Variants in ADGRB1 observed in about 807,000 individuals in gnomAD.
The protein encoded by ADGRB1 is brain-specific angiogenesis inhibitor 1.
In ADGRB1, 36 loss-of-function variants were observed where a neutral mutation model predicts 175.7. That is an observed-to-expected ratio of 0.20 (90% CI 0.16 to 0.27). ADGRB1 has a LOEUF of 0.27. ADGRB1 is among the 10% of genes least tolerant of loss of function. ADGRB1 has a pLI of 1.00. For missense variants in ADGRB1, 1,731 were observed against 2,255.3 expected, an observed-to-expected ratio of 0.77 and a Z score of 4.71; for synonymous variants, 1,054 against 979.4, an observed-to-expected ratio of 1.08 and a Z score of -1.42.
intron 11 of ADGRB1, 137 bp from the exon 12 acceptor site, chr8:142,483,840 G>A: frequency 1.1e-6 from 1 of 892,894 alleles, no homozygotes; most frequent in Non-Finnish European, 1.8e-6. Flanking sequence ...TCTGACCCTG[G>A]TCACACACTG....
At chr8:142,518,901 A>G (rs1176878829) in intron 19 of ADGRB1, among the ~76,000 whole-genome samples, 1 of 152,214 alleles carries the variant, frequency 6.6e-6, no homozygotes, top group Non-Finnish European at 1.5e-5. Context: ...TCCAGAGGAC[A>G]CGTGGCTCCG....
Position 142,477,199 on chromosome 8 carries a change from C to T in ADGRB1, c.1143C>T (p.Cys381=), listed in dbSNP as rs772753018. The change falls in exon 5 of 31, where the codon TGC becomes TGT. Residue 381 remains cysteine, a synonymous_variant. Coordinates refer to ENST00000517894, the MANE Select transcript of ADGRB1 (RefSeq NM_001702.3). Reference sequence around the variant, plus strand: ...GCTGGCAGACCCGCACGCGCTTCTGCGTGTCCTCCTCCTACAGCACGCAGT... The same window carrying T: ...GCTGGCAGACCCGCACGCGCTTCTGTGTGTCCTCCTCCTACAGCACGCAGT... The part of the protein sequence containing the change: ...GEGWQTRTRF[C]VSSSYSTQCS... The T allele has an allele frequency of 6.3e-7, 1 of 1,597,528 alleles. No homozygotes were observed. The highest frequency in any genetic ancestry group is 8.5e-7 in the Non-Finnish European group (1 of 1,177,762).
At chr8:142,496,090 G>T (rs531687690) in intron 17 of ADGRB1, among the ~76,000 whole-genome samples, 5 of 151,398 alleles carry the variant, frequency 3.3e-5, no homozygotes, top group Non-Finnish European at 7.4e-5. Context: ...GGATGGATGG[G>T]TGGGTGGCTG....
intron 2 of ADGRB1, among the ~76,000 whole-genome samples, chr8:142,473,339 CG>C (rs1185253956): frequency 6.6e-6 from 1 of 152,196 alleles, no homozygotes; most frequent in Non-Finnish European, 1.5e-5. Context: ...GCCTCAGAAT[CG>C]GGGTGGTGGG....
chr8:142,477,028 G>T, intron 4 of ADGRB1, 86 bp from the exon 5 acceptor site: 1 of 1,421,114 alleles, frequency 7.0e-7, no homozygotes, highest in Non-Finnish European at 9.2e-7. Context: ...TCCCCAGCAG[G>T]GCAGCCCTCC....
intron 12 of ADGRB1, 29 bp from the exon 13 acceptor site, chr8:142,484,627 C>T: frequency 6.3e-7 from 1 of 1,587,962 alleles, no homozygotes; most frequent in Non-Finnish European, 8.6e-7. Context: ...GGGCCTCCTC[C>T]CTCGGCTGCT....
At chr8:142,528,695 G>A (rs758023470) in intron 24 of ADGRB1, among the ~76,000 whole-genome samples, 2 of 152,026 alleles carry the variant, frequency 1.3e-5, no homozygotes, top group Non-Finnish European at 2.9e-5. Flanking sequence ...GGGGCTCCGC[G>A]CTCTGAGTCA....
At chr8:142,495,020 A>G (rs1842148109) in intron 17 of ADGRB1, among the ~76,000 whole-genome samples, 1 of 152,154 alleles carries the variant, frequency 6.6e-6, no homozygotes, top group African/African-American at 2.4e-5. Flanking sequence ...CAGTTATGTC[A>G]AAGTCATGTC....
At chr8:142,530,846 C>A (rs1203080566) in intron 24 of ADGRB1, among the ~76,000 whole-genome samples, 1 of 152,204 alleles carries the variant, frequency 6.6e-6, no homozygotes, top group African/African-American at 2.4e-5. Flanking sequence ...CAGGAGCAGG[C>A]GCGGTGCAGC....
chr8:142,486,496 G>A lies in ADGRB1; in HGVS notation c.2308+1732G>A, dbSNP rs1841678304. ...GGCACAAGGTGCTTGGCACTCCCGA[G>A]GTGTCCCATCCCCAGGCCTAAAACA... On this transcript the variant is annotated intron_variant, in intron 13 of 30. Transcript: ENST00000517894. Among the ~76,000 whole-genome samples, 8 of 152,250 alleles carry A rather than the reference G, an allele frequency of 5.3e-5. No homozygotes were observed. The South Asian group carries it at 1.7e-3, about 32-fold the overall frequency.
chr8:142,499,597 G>GTGGGAGC (rs1013897677), intron 17 of ADGRB1, among the ~76,000 whole-genome samples: 1 of 150,668 alleles, frequency 6.6e-6, no homozygotes, highest in Non-Finnish European at 1.5e-5. Context: ...GAGTGCCGCG[G>GTGGGAGC]TGGGAGCGCT....
intron 17 of ADGRB1, among the ~76,000 whole-genome samples, chr8:142,509,964 G>A (rs1299826495): frequency 6.6e-6 from 1 of 152,200 alleles, no homozygotes. Flanking sequence ...AGGAAGGCAG[G>A]CCCGGCTCCA....
intron 18 of ADGRB1, among the ~76,000 whole-genome samples, chr8:142,516,970 G>C (rs1007855855): frequency 6.6e-6 from 1 of 152,230 alleles, no homozygotes; most frequent in African/African-American, 2.4e-5. Flanking sequence ...TGCTGGGGCT[G>C]TGCAGGGCCA....
rs1382344769 is a variant in ADGRB1, at chr8:142,450,122, G to T, written c.-220+18G>T. ...TGGGGAAGGTAAGGAAGGCTCCGGC[G>T]GGGGGCTGGGGGCGCGGCGGGTGGG... is the stretch of plus-strand genomic sequence containing the variant. On this transcript the variant is annotated intron_variant, in intron 1 of 30. Transcript: ENST00000517894. 5 of 149,398 alleles carry T rather than the reference G, an allele frequency of 3.3e-5. No individual in the cohort carries two copies. The East Asian group carries it at 1.0e-3, about 30-fold the overall frequency. 9.3% of individuals were successfully genotyped at this position (149,398 alleles called of 1,614,324 possible). A position where few individuals can be genotyped will look rare whatever the true frequency, so the allele number is the denominator to read the frequency against.
intron 7 of ADGRB1, among the ~76,000 whole-genome samples, 155 bp downstream of exon 7, chr8:142,478,515 G>T (rs1260563683): frequency 6.6e-6 from 1 of 151,708 alleles, no homozygotes; most frequent in Non-Finnish European, 1.5e-5. Flanking sequence ...TGGCTGTGGG[G>T]GAAACGGAGC....
intron 3 of ADGRB1, among the ~76,000 whole-genome samples, chr8:142,476,330 T>G (rs1840972425): frequency 6.6e-6 from 1 of 152,134 alleles, no homozygotes; most frequent in Non-Finnish European, 1.5e-5. Flanking sequence ...GCAGCCGTCC[T>G]GCAGGTGAAC....
Position 142,464,920 on chromosome 8 carries a change from C to A in ADGRB1, c.722C>A (p.Ala241Asp). The A allele has an allele frequency of 6.5e-7, 1 of 1,529,398 alleles. No individual in the cohort carries two copies. The highest frequency in any genetic ancestry group is 1.7e-4 in the Middle Eastern group (1 of 5,760). 94.7% of individuals were successfully genotyped at this position (1,529,398 alleles called of 1,614,324 possible). Residue 241 changes from alanine to aspartate, a missense_variant, in exon 2 of 31, where the codon GCT (alanine) becomes GAT (aspartate). Ala to Asp is a moderately radical substitution (Grantham distance 126). Transcript: ENST00000517894. ...GATGTCTGCTTGAGAGATGCGGTGG[C>A]TGGTGGCCCTGAAAACTGCCTCACC... is the stretch of plus-strand genomic sequence containing the variant. ...RGDVCLRDAV[A>D]GGPENCLTSL...
At chr8:142,488,745 C>T (rs1307195647) in intron 14 of ADGRB1, among the ~76,000 whole-genome samples, 2 of 152,172 alleles carry the variant, frequency 1.3e-5, no homozygotes, top group African/African-American at 2.4e-5. Flanking sequence ...CAGGGAGTCA[C>T]GTGTCAAGGA....
At chr8:142,452,770 G>A (rs1839430638) in intron 1 of ADGRB1, among the ~76,000 whole-genome samples, 1 of 151,978 alleles carries the variant, frequency 6.6e-6, no homozygotes, top group Non-Finnish European at 1.5e-5. Context: ...CTCCGCCCCC[G>A]GTCGGCCCGA....
Sources: gnomAD v4.1 joint callset for allele counts (sites outside exome capture counted in the v4.1 genomes callset) on GRCh38, gnomAD v4.1.1 for gene constraint, MANE v1.5 for transcripts, NCBI Gene and HGNC (gene_info 2026-07-23, HGNC 2026-07-21) for gene names.